PTPN5: variants seen among roughly 807,000 people sequenced by gnomAD.
PTPN5 encodes the protein protein tyrosine phosphatase non-receptor type 5.
A neutral mutation model predicts 73.9 loss-of-function variants in PTPN5; 29 were observed. The observed-to-expected ratio is 0.39, with a 90% CI of 0.29 to 0.54. The LOEUF (loss-of-function observed/expected upper bound fraction) is 0.54. PTPN5 is among the 20% of genes least tolerant of loss of function. The pLI is 0.65. For missense variants in PTPN5, 652 were observed against 751.4 expected (o/e 0.87, Z 1.55); for synonymous variants, 267 against 304.7 (o/e 0.88, Z 1.29).
chr11:18,777,938 C>G (rs918578258), intron 1 of PTPN5, among the ~76,000 whole-genome samples: 1 of 150,456 alleles, frequency 6.6e-6, no homozygotes, highest in African/African-American at 2.5e-5. Flanking sequence ...GGGCGAGACC[C>G]TGTCAGAAAA....
At chr11:18,769,370 AG>A (rs1264429296) in intron 2 of PTPN5, among the ~76,000 whole-genome samples, 10 of 152,056 alleles carry the variant, frequency 6.6e-5, no homozygotes, top group African/African-American at 1.7e-4. Flanking sequence ...GTCTTCTCCA[AG>A]GGGGAGACAG....
At position 18,744,511 on chromosome 11, in the gene PTPN5, A is replaced by G. The variant is rs1485018286; in HGVS notation, c.98-312T>C. ...TTTTCCATTTCTTAAGGAAACAAAA[A>G]ACAACCACCTCAAACTCAATTAAAA... On this transcript the variant is annotated intron_variant, in intron 3 of 14. Coordinates refer to ENST00000358540, the MANE Select transcript of PTPN5 (RefSeq NM_006906.2). Among the ~76,000 whole-genome samples the G allele has an allele frequency of 6.6e-5, 10 of 152,072 alleles. No homozygotes were observed. The South Asian group carries it at 8.3e-4, about 13-fold the overall frequency.
Position 18,743,372 on chromosome 11 carries a change from T to C in PTPN5, c.349A>G (p.Thr117Ala). The change falls in exon 5 of 15, where the codon ACA becomes GCA. Residue 117 changes from threonine to alanine, a missense_variant. Transcript: ENST00000358540. The stretch of plus-strand genomic sequence containing the variant: ...GTCAGCAAAGAGGAGACGAGGTTTG[T>C]GGCGTTCTGTGACCAGATGTGGCCA... ...GYGHIWSQNA[T>A]NLVSSLLTLL... is the part of the protein sequence containing the mutation. The C allele has an allele frequency of 6.2e-7, 1 of 1,614,160 alleles. No individual in the cohort carries two copies. The highest frequency in any genetic ancestry group is 8.5e-7 in the Non-Finnish European group (1 of 1,180,036).
chr11:18,753,818 G>C (rs903406453), intron 3 of PTPN5, among the ~76,000 whole-genome samples: 9 of 152,188 alleles, frequency 5.9e-5, no homozygotes, highest in African/African-American at 1.7e-4. Context: ...GGACATCTTG[G>C]GGAGTGCTGT....
intron 3 of PTPN5, among the ~76,000 whole-genome samples, chr11:18,763,755 A>G (rs2134292170): frequency 6.6e-6 from 1 of 152,330 alleles, no homozygotes; most frequent in African/African-American, 2.4e-5. Context: ...TGAGTGAATG[A>G]CTGAGTGGTT....
intron 3 of PTPN5, among the ~76,000 whole-genome samples, chr11:18,755,141 T>A (rs1850071697): frequency 6.6e-6 from 1 of 152,240 alleles, no homozygotes; most frequent in Non-Finnish European, 1.5e-5. Context: ...GTGTGGCCAC[T>A]GAGGCAGCTC....
rs1849673597 is a variant in PTPN5 at position 18,747,011 on chromosome 11, TC to T, written c.98-2813del. 2.0e-5 allele frequency among the ~76,000 whole-genome samples: 3 copies of T among 152,220 alleles called. No individual in the cohort carries two copies. The South Asian group carries it at 6.2e-4, about 31-fold the overall frequency. On this transcript the variant is annotated intron_variant, in intron 3 of 14. Coordinates refer to ENST00000358540, the MANE Select transcript of PTPN5 (RefSeq NM_006906.2). The stretch of plus-strand genomic sequence containing the variant: ...CATACTTGGACCTTGGGCAATCCCT[TC>T]TTCTCCCTGGGTCTCAGTTTCCTTA...
chr11:18,756,973 A>G (rs1850184986), intron 3 of PTPN5, among the ~76,000 whole-genome samples: 1 of 151,878 alleles, frequency 6.6e-6, no homozygotes, highest in Admixed American at 6.6e-5. Flanking sequence ...AAACAGCACC[A>G]AGGTCCTAAT....
chr11:18,757,961 G>A (rs1053065679), intron 3 of PTPN5, among the ~76,000 whole-genome samples: 2 of 152,190 alleles, frequency 1.3e-5, no homozygotes, highest in African/African-American at 4.8e-5. Flanking sequence ...GCAGGGAGGA[G>A]AGCCAAAGAA....
At chr11:18,750,240 G>A (rs1411935183) in intron 3 of PTPN5, among the ~76,000 whole-genome samples, 1 of 152,186 alleles carries the variant, frequency 6.6e-6, no homozygotes, top group African/African-American at 2.4e-5. Context: ...GAAGGTAGGC[G>A]CTGCTCTTAC....
intron 1 of PTPN5, among the ~76,000 whole-genome samples, chr11:18,791,167 C>T (rs1434271112): frequency 2.0e-5 from 3 of 152,230 alleles, no homozygotes; most frequent in Non-Finnish European, 4.4e-5. Context: ...CCCTCAGGGG[C>T]TTCAGGCTCC....
chr11:18,780,465 C>A (rs1222751158), intron 1 of PTPN5, among the ~76,000 whole-genome samples: 1 of 152,128 alleles, frequency 6.6e-6, no homozygotes, highest in East Asian at 1.9e-4. Flanking sequence ...CTCATCAGGG[C>A]CCCTGCCCCC....
chr11:18,731,363 C>G (rs1848869157), intron 12 of PTPN5, among the ~76,000 whole-genome samples: 1 of 152,016 alleles, frequency 6.6e-6, no homozygotes, highest in African/African-American at 2.4e-5. Context: ...CAATGCTTCT[C>G]AAGGAAAGAG....
chr11:18,752,308 G>A (rs990524622), intron 3 of PTPN5, among the ~76,000 whole-genome samples: 2 of 152,212 alleles, frequency 1.3e-5, no homozygotes, highest in Admixed American at 6.5e-5. Context: ...TTAGCCTGCT[G>A]CCTGGCACAT....
intron 9 of PTPN5, among the ~76,000 whole-genome samples, chr11:18,734,237 A>G (rs1298524989): frequency 2.0e-5 from 3 of 152,228 alleles, no homozygotes; most frequent in African/African-American, 4.8e-5. Flanking sequence ...CATGAAAACG[A>G]TAGTCTCCTC....
chr11:18,780,793 C>T (rs10766504), intron 1 of PTPN5, among the ~76,000 whole-genome samples: 45,787 of 151,980 alleles, frequency 0.3, 7,249 homozygotes, highest in African/African-American at 0.34. Context: ...TTATCCCCCA[C>T]GACAGAAAGC....
chr11:18,767,228 T>C (rs1396554342), intron 2 of PTPN5, among the ~76,000 whole-genome samples: 1 of 152,176 alleles, frequency 6.6e-6, no homozygotes, highest in East Asian at 1.9e-4. Context: ...CAGGCCCAAT[T>C]CCAGATTTTA....
chr11:18,744,402 CTCTTT>C (rs1849522244), intron 3 of PTPN5: 1 of 417,870 alleles, frequency 2.4e-6, no homozygotes, highest in African/African-American at 2.1e-5. Flanking sequence ...CAAATTATTT[CTCTTT>C]TATTTCTCCA....
rs772842014 is a variant in PTPN5, at chr11:18,750,263, CAT to C, written c.98-6066_98-6065del. Reference sequence around the variant, plus strand: ...GCGCTGCTCTTACCTCCATTTTACACATGAGGAAACTGAGGCACAGAGACGTT... The same window carrying C: ...GCGCTGCTCTTACCTCCATTTTACACGAGGAAACTGAGGCACAGAGACGTT... On this transcript the variant is annotated intron_variant, in intron 3 of 14. Coordinates refer to ENST00000358540, the MANE Select transcript of PTPN5 (RefSeq NM_006906.2). 1.1e-4 allele frequency among the ~76,000 whole-genome samples: 16 copies of C among 152,308 alleles called. No homozygotes were observed. The East Asian group carries it at 1.7e-3, about 17-fold the overall frequency.
Sources: allele counts gnomAD v4.1 joint callset (sites outside exome capture counted in the v4.1 genomes callset), GRCh38; gene constraint gnomAD v4.1.1; transcripts MANE v1.5; gene names NCBI Gene and HGNC (gene_info 2026-07-23, HGNC 2026-07-21).